ANPEP: variants seen among roughly 807,000 people sequenced by gnomAD.
ANPEP encodes the protein alanyl aminopeptidase, membrane.
A neutral mutation model predicts 114.6 loss-of-function variants in ANPEP; 70 were observed. That is an observed-to-expected ratio of 0.61 (90% confidence interval 0.50 to 0.75). The LOEUF is 0.75. Among genes scored for constraint, ANPEP ranks in the 30% least tolerant of loss-of-function variants. The pLI is 0.00. For missense variants in ANPEP, 1,184 were observed against 1,259.5 expected (o/e 0.94, Z 0.91); for synonymous variants, 548 against 522.3 (o/e 1.05, Z -0.67).
intron 11 of ANPEP, 45 bp downstream of exon 11, chr15:89,801,390 C>G (rs1450399386): frequency 5.0e-6 from 8 of 1,606,410 alleles, no homozygotes; most frequent in Non-Finnish European, 6.0e-6. Flanking sequence ...TAACTGCCCT[C>G]TACCCCACCC....
Position 89,792,516 on chromosome 15 carries a change from G to A in ANPEP, c.2296C>T (p.Pro766Ser), listed in dbSNP as rs148410109. Residue 766 changes from proline (P) to serine (S), a missense_variant, in exon 17 of 21, where the codon CCA becomes TCA. Physicochemically the swap from Pro to Ser is moderately conservative, Grantham distance 74. Transcript: ENST00000300060. Reference sequence around the variant, plus strand: ...CCAGAGACCATCTCCTCACACTCTGGAACTCCGTTGGAGCAGGCGGTGCTG... The same window carrying A: ...CCAGAGACCATCTCCTCACACTCTGAAACTCCGTTGGAGCAGGCGGTGCTG... ...AISTACSNGV[P>S]ECEEMVSGLF... 7.4e-6 allele frequency: 12 copies of A among 1,614,172 alleles called. No individual in the cohort carries two copies. The highest frequency in any genetic ancestry group is 1.0e-5 in the Non-Finnish European group (12 of 1,180,020).
rs1244791523 is a variant in ANPEP, at chr15:89,792,547, A to G, written c.2265T>C (p.Asn755=). 2 of 1,614,112 alleles carry G rather than the reference A, an allele frequency of 1.2e-6. No homozygotes were observed. Among genetic ancestry groups the G allele is most frequent in the South Asian group, 2.2e-5 (2 of 91,088 alleles). ...CGTTGGAGCAGGCGGTGCTGATGGC[A>G]TTAACCTCGCTGTACCTGCCCCAGG... ...ENLMDQYSEV[N]AISTACSNGV... Residue 755 remains asparagine, a synonymous_variant, in exon 17 of 21, where the codon AAT becomes AAC. Coordinates refer to ENST00000300060, the MANE Select transcript of ANPEP (RefSeq NM_001150.3).
chr15:89,788,511 G>A (rs868790545), intron 20 of ANPEP, among the ~76,000 whole-genome samples: 18 of 151,422 alleles, frequency 1.2e-4, no homozygotes, highest in Middle Eastern at 3.4e-3. Context: ...TGAGTACAAG[G>A]TTTTTTTTTG....
chr15:89,806,139 C>T lies in ANPEP; in HGVS notation c.445G>A (p.Asp149Asn), dbSNP rs375782169. The change falls in exon 2 of 21, where the codon GAC (aspartate) becomes AAC (asparagine). Residue 149 changes from aspartate (D) to asparagine (N), a missense_variant. Asp to Asn is a conservative substitution (Grantham distance 23). Coordinates refer to ENST00000300060, the MANE Select transcript of ANPEP (RefSeq NM_001150.3). This position sits in a 1 kb window ranked among gnomAD's most constrained non-coding sequence, Gnocchi z 5.7. The part of the protein sequence containing the change: ...LRGVGGSQPP[D>N]IDKTELVEPT... ...TCCACCAGCTCAGTCTTGTCAATGTCGGGGGGCTGGGAGCCTCCCACACCA... is the reference window on the plus strand; with the variant it reads ...TCCACCAGCTCAGTCTTGTCAATGTTGGGGGGCTGGGAGCCTCCCACACCA... 1.5e-5 allele frequency: 25 copies of T among 1,613,968 alleles called. No individual in the cohort carries two copies. Among genetic ancestry groups the T allele is most frequent in the African/African-American group, 8.0e-5 (6 of 74,908 alleles).
At position 89,793,076 on chromosome 15, in the gene ANPEP, A is replaced by G. The variant is rs764495081; in HGVS notation, c.2208T>C (p.Asn736=). 6 of 1,614,100 alleles carry G rather than the reference A, an allele frequency of 3.7e-6. No homozygotes were observed. Among genetic ancestry groups the G allele is most frequent in the South Asian group, 3.3e-5 (3 of 91,080 alleles). ...CTGGGATCTCCCTCCAGTTGTTGGTATTATTTCTGAAGTGAATGAAGAGGG... is the reference window on the plus strand; with the variant it reads ...CTGGGATCTCCCTCCAGTTGTTGGTGTTATTTCTGAAGTGAATGAAGAGGG... The part of the protein sequence containing the change: ...VTPLFIHFRN[N]TNNWREIPEN... The change falls in exon 16 of 21, where the codon AAT becomes AAC. Residue 736 remains asparagine (N), a synonymous_variant. Transcript: ENST00000300060.
intron 20 of ANPEP, among the ~76,000 whole-genome samples, chr15:89,789,975 C>T (rs8043481): frequency 2.0e-5 from 3 of 150,326 alleles, no homozygotes; most frequent in African/African-American, 7.4e-5. Flanking sequence ...AGGAGAATGA[C>T]GTGAACCCGG....
chr15:89,790,397 G>A (rs1968597494), intron 20 of ANPEP, 63 bp downstream of exon 20: 47 of 1,487,422 alleles, frequency 3.2e-5, no homozygotes, highest in Non-Finnish European at 4.4e-5. Context: ...GGAGAAGAAT[G>A]GAGTGCCCCT....
intron 1 of ANPEP, among the ~76,000 whole-genome samples, chr15:89,812,901 A>C (rs1894840492): frequency 6.6e-6 from 1 of 152,154 alleles, no homozygotes; most frequent in African/African-American, 2.4e-5. Flanking sequence ...ACAGGAGAAG[A>C]CACGCACCCA....
chr15:89,809,216 C>T (rs2141815325), intron 1 of ANPEP, among the ~76,000 whole-genome samples: 1 of 152,346 alleles, frequency 6.6e-6, no homozygotes, highest in Admixed American at 6.5e-5. Context: ...TTACAGCACC[C>T]CCCAGGCTGG....
chr15:89,801,352 G>A lies in ANPEP; in HGVS notation c.1742+83C>T, dbSNP rs570833673. 35 of 1,569,816 alleles carry A rather than the reference G, an allele frequency of 2.2e-5. No homozygotes were observed. In the African/African-American group the frequency reaches 4.2e-4, roughly 19 times the overall value. Reference sequence around the variant, plus strand: ...TACAGTGGCTGGGGCTGGGACCACAGGAGGCCAGTCCTACTATGGTCCCTT... The same window carrying A: ...TACAGTGGCTGGGGCTGGGACCACAAGAGGCCAGTCCTACTATGGTCCCTT... On this transcript the variant is annotated intron_variant, in intron 11 of 20. Transcript: ENST00000300060.
chr15:89,795,297 T>G (rs1438121636), intron 15 of ANPEP, among the ~76,000 whole-genome samples: 1 of 151,664 alleles, frequency 6.6e-6, no homozygotes, highest in African/African-American at 2.4e-5. Flanking sequence ...GTCAACAAGC[T>G]GGAAAACAGA....
intron 16 of ANPEP, 81 bp downstream of exon 16, chr15:89,792,954 C>T (rs568651184): frequency 2.0e-5 from 25 of 1,224,836 alleles, no homozygotes; most frequent in Admixed American, 1.4e-4. Context: ...TTGAGAGCTG[C>T]GGCAGAGAAC....
intron 4 of ANPEP, 42 bp from the exon 5 acceptor site, chr15:89,804,659 G>T: frequency 6.2e-7 from 1 of 1,600,768 alleles, no homozygotes; most frequent in Non-Finnish European, 8.5e-7. Flanking sequence ...GCTCCTGTTT[G>T]ATCCTGGGGC....
rs780162177 is a variant in ANPEP at position 89,799,459 on chromosome 15, C to T, written c.1920G>A (p.Arg640=). The change falls in exon 13 of 21, where the codon AGG becomes AGA. Residue 640 remains arginine (R), a synonymous_variant. Transcript: ENST00000300060. The surrounding 1 kb of genome is among the most constrained non-coding windows in gnomAD (Gnocchi z 4.2). The part of the protein sequence containing the change: ...YRVNYDEENW[R]KIQTQLQRDH... Reference sequence around the variant, plus strand: ...CTCTCTGCAGCTGAGTCTGAATCTTCCTCCAGTTCTCTTCGTCGTAGTTCA... The same window carrying T: ...CTCTCTGCAGCTGAGTCTGAATCTTTCTCCAGTTCTCTTCGTCGTAGTTCA... 6.2e-7 allele frequency: 1 copy of T among 1,614,192 alleles called. No individual in the cohort carries two copies. Among genetic ancestry groups the T allele is most frequent in the Non-Finnish European group, 8.5e-7 (1 of 1,180,040 alleles).
intron 19 of ANPEP, 21 bp downstream of exon 19, chr15:89,790,932 A>G: frequency 6.2e-7 from 1 of 1,612,606 alleles, no homozygotes; most frequent in Non-Finnish European, 8.5e-7. Context: ...GCTGTCCCTG[A>G]CACCCATTCC....
At chr15:89,801,902 C>T (rs1337320366) in intron 10 of ANPEP, among the ~76,000 whole-genome samples, 2 of 152,164 alleles carry the variant, frequency 1.3e-5, no homozygotes, top group Non-Finnish European at 2.9e-5. Context: ...CATGGCTCTT[C>T]CTGAACAACA....
intron 1 of ANPEP, among the ~76,000 whole-genome samples, chr15:89,813,757 C>G (rs1044832354): frequency 1.1e-4 from 16 of 152,204 alleles, no homozygotes; most frequent in Non-Finnish European, 2.4e-4. Flanking sequence ...GCCCTCTGGT[C>G]CAAGCCTCCC....
At chr15:89,791,228 T>C (rs772363423) in intron 18 of ANPEP, 135 bp from the exon 19 acceptor site, 36 of 987,778 alleles carry the variant, frequency 3.6e-5, no homozygotes, top group Non-Finnish European at 5.0e-5. Context: ...GAGGGACCCC[T>C]TGGTCCTTCT....
chr15:89,790,639 T>G, intron 19 of ANPEP, 98 bp from the exon 20 acceptor site: 1 of 1,124,248 alleles, frequency 8.9e-7, no homozygotes. Context: ...ATAGAGGAGA[T>G]GAAATGACAC....
Sources: allele counts gnomAD v4.1 joint callset (sites outside exome capture counted in the v4.1 genomes callset), GRCh38; gene constraint gnomAD v4.1.1; non-coding constraint Gnocchi (gnomAD v3.1); transcripts MANE v1.5; gene names NCBI Gene and HGNC (gene_info 2026-07-23, HGNC 2026-07-21).